The following CLASP1 variants were observed in gnomAD, a reference collection of about 807,000 sequenced individuals.
The protein encoded by CLASP1 is CLIP-associating protein 1.
Under a neutral mutation model 192.3 loss-of-function variants are expected in CLASP1, and 38 were observed. The observed-to-expected ratio is 0.20, with a 90% CI of 0.15 to 0.26. CLASP1 has a LOEUF of 0.26. CLASP1 is among the 10% of genes least tolerant of loss of function. The pLI, the probability that CLASP1 is intolerant of heterozygous loss-of-function variation, is 1.00. For synonymous variants in CLASP1, 691 were observed against 712.8 expected, an observed-to-expected ratio of 0.97 and a Z score of 0.49; for missense variants, 1,433 against 1,932.5, an observed-to-expected ratio of 0.74 and a Z score of 4.85.
At chr2:121,528,906 C>T in intron 3 of CLASP1, 126 bp from the exon 4 acceptor site, 1 of 743,952 alleles carries the variant, frequency 1.3e-6, no homozygotes, top group East Asian at 2.5e-5. Context: ...CATTCTAAAA[C>T]CACTCATCTT....
chr2:121,631,973 G>A (rs1022165287), intron 1 of CLASP1, among the ~76,000 whole-genome samples: 10 of 152,114 alleles, frequency 6.6e-5, no homozygotes, highest in Admixed American at 2.6e-4. Flanking sequence ...CTTGAACCCA[G>A]GAGGCGGAGG....
chr2:121,514,668 T>G (rs1257962032), intron 7 of CLASP1, among the ~76,000 whole-genome samples: 1 of 152,220 alleles, frequency 6.6e-6, no homozygotes, highest in African/African-American at 2.4e-5. Context: ...TCCACTTGTC[T>G]GCCCGTGGAG....
chr2:121,481,740 G>T (rs1217863612), intron 8 of CLASP1, among the ~76,000 whole-genome samples: 2 of 152,132 alleles, frequency 1.3e-5, no homozygotes, highest in Non-Finnish European at 2.9e-5. Flanking sequence ...ACCACTGGAA[G>T]GCTACTGGAG....
At chr2:121,626,958 T>C (rs1462168055) in intron 1 of CLASP1, among the ~76,000 whole-genome samples, 2 of 152,182 alleles carry the variant, frequency 1.3e-5, no homozygotes, top group African/African-American at 4.8e-5. Context: ...CACCTCATAC[T>C]AAGCAAGTGA....
chr2:121,473,919 C>T (rs940536334), intron 8 of CLASP1, among the ~76,000 whole-genome samples: 1 of 151,998 alleles, frequency 6.6e-6, no homozygotes, highest in Non-Finnish European at 1.5e-5. Flanking sequence ...ATCAGCAGAC[C>T]CGCACTTCAA....
intron 19 of CLASP1, among the ~76,000 whole-genome samples, chr2:121,446,535 C>T (rs1574929374): frequency 6.6e-6 from 1 of 152,174 alleles, no homozygotes. Context: ...AAATTTTATT[C>T]ATTTCCTTAA....
chr2:121,482,384 G>A (rs1559383466), intron 8 of CLASP1, among the ~76,000 whole-genome samples: 1 of 152,118 alleles, frequency 6.6e-6, no homozygotes, highest in South Asian at 2.1e-4. Context: ...CCTGAAGTTA[G>A]AATCTCTTGG....
At chr2:121,592,842 C>T (rs1175751025) in intron 2 of CLASP1, among the ~76,000 whole-genome samples, 5 of 152,016 alleles carry the variant, frequency 3.3e-5, no homozygotes, top group East Asian at 1.9e-4. Flanking sequence ...TTAGTAGAGA[C>T]GGGGTTTCAC....
chr2:121,353,643 C>A (rs927602870), intron 37 of CLASP1, among the ~76,000 whole-genome samples: 16 of 152,186 alleles, frequency 1.1e-4, no homozygotes, highest in African/African-American at 3.9e-4. Context: ...TGAAATTGTC[C>A]CTCCCACTAG....
intron 37 of CLASP1, among the ~76,000 whole-genome samples, chr2:121,362,487 G>C (rs2149233707): frequency 6.6e-6 from 1 of 152,340 alleles, no homozygotes. Flanking sequence ...GAACTGCAGA[G>C]ATAGCTTGCT....
intron 6 of CLASP1, among the ~76,000 whole-genome samples, chr2:121,517,663 T>C (rs2094337295): frequency 6.6e-6 from 1 of 151,972 alleles, no homozygotes; most frequent in South Asian, 2.1e-4. Context: ...GGGACCAGCC[T>C]GGGCAACAAA....
chr2:121,403,762 C>T, intron 26 of CLASP1: 1 of 469,692 alleles, frequency 2.1e-6, no homozygotes. Context: ...TGGGCATTTC[C>T]CCCTCAGCTG....
intron 8 of CLASP1, chr2:121,490,422 C>T (rs895367164): frequency 1.8e-5 from 5 of 283,348 alleles, no homozygotes; most frequent in Non-Finnish European, 3.5e-5. Flanking sequence ...ACAACTGCCA[C>T]CCTATTCCAA....
chr2:121,503,052 G>C (rs2093812991), intron 8 of CLASP1, 115 bp downstream of exon 8: 1 of 678,796 alleles, frequency 1.5e-6, no homozygotes, highest in African/African-American at 1.8e-5. Flanking sequence ...TGGAGGTTAA[G>C]TTTTAAGACT....
At chr2:121,367,609 C>A in exon 35 of CLASP1, 1 of 1,614,010 alleles carries the variant, frequency 6.2e-7, no homozygotes, top group South Asian at 1.1e-5. Context: ...TGCTCCATGT[C>A]GTCATCGAAC....
intron 2 of CLASP1, among the ~76,000 whole-genome samples, chr2:121,575,761 G>A (rs565635442): frequency 1.0e-3 from 153 of 152,302 alleles, no homozygotes; most frequent in Admixed American, 2.6e-3. Context: ...GAGGCAGAAA[G>A]GAGGAGGACG....
exon 2 of CLASP1, chr2:121,605,988 G>C (rs995478569): frequency 8.6e-5 from 94 of 1,092,908 alleles, no homozygotes; most frequent in Non-Finnish European, 1.2e-4. Flanking sequence ...CTCTTTGTTC[G>C]CTGAAGGTTA....
chr2:121,389,487 A>G (rs2073962646), intron 30 of CLASP1, among the ~76,000 whole-genome samples: 1 of 152,038 alleles, frequency 6.6e-6, no homozygotes, highest in Admixed American at 6.5e-5. Context: ...GGTGTTAGAA[A>G]AAAAAAAAAC....
intron 7 of CLASP1, among the ~76,000 whole-genome samples, chr2:121,510,805 A>G (rs1003462533): frequency 2.4e-4 from 37 of 151,984 alleles, no homozygotes; most frequent in African/African-American, 8.4e-4. Context: ...CTCAAAAAAT[A>G]ATAATAATAA....
Sources: gnomAD v4.1 joint callset for allele counts (sites outside exome capture counted in the v4.1 genomes callset) on GRCh38, gnomAD v4.1.1 for gene constraint, MANE v1.5 for transcripts, NCBI Gene and HGNC (gene_info 2026-07-23, HGNC 2026-07-21) for gene names.